THSD4: variants seen among roughly 807,000 people sequenced by gnomAD.
THSD4 encodes thrombospondin type 1 domain containing 4.
Under a neutral mutation model 119.0 loss-of-function variants are expected in THSD4, and 69 were observed. The observed-to-expected ratio is 0.58, with a 90% CI of 0.48 to 0.71. The LOEUF is 0.71. THSD4 is among the 30% of genes least tolerant of loss of function. The pLI, the probability that THSD4 is intolerant of heterozygous loss-of-function variation, is 0.00. For synonymous variants in THSD4, 524 were observed against 540.4 expected, an observed-to-expected ratio of 0.97 and a Z score of 0.42; for missense variants, 1,393 against 1,391.1, an observed-to-expected ratio of 1.00 and a Z score of -0.02.
intron 6 of THSD4, among the ~76,000 whole-genome samples, chr15:71,270,202 A>G (rs2044512397): frequency 6.6e-6 from 1 of 152,204 alleles, no homozygotes; most frequent in Admixed American, 6.5e-5. Context: ...TTCAAACTAT[A>G]CTACAAGGCT....
At chr15:71,463,098 G>A (rs368429652) in intron 7 of THSD4, among the ~76,000 whole-genome samples, 12 of 152,180 alleles carry the variant, frequency 7.9e-5, no homozygotes, top group African/African-American at 2.6e-4. Context: ...TATTCATGTC[G>A]TTGGTTTTTT....
At chr15:71,505,193 CCAT>C (rs10610274) in intron 7 of THSD4, among the ~76,000 whole-genome samples, 19,645 of 152,132 alleles carry the variant, frequency 0.13, 1,517 homozygotes, top group Non-Finnish European at 0.17. Context: ...GCTCACCTCC[CCAT>C]CCTTGCAGGA....
chr15:71,683,856 T>A (rs986109768), intron 8 of THSD4, among the ~76,000 whole-genome samples: 3 of 152,018 alleles, frequency 2.0e-5, no homozygotes, highest in African/African-American at 7.3e-5. Context: ...GTGCCCATAG[T>A]CCCAGCTACT....
rs529374674 is a variant in THSD4 at position 71,463,753 on chromosome 15, G to A, written c.1152+51930G>A. Among the ~76,000 whole-genome samples, 11 of 152,246 alleles carry A rather than the reference G, an allele frequency of 7.2e-5. No individual in the cohort carries two copies. In the South Asian group the frequency reaches 1.2e-3, roughly 17 times the overall value. ...GATTTCTTACAAGTGTTATTATCCT[G>A]ATTAGACTCCAATCTCTTAACTCCT... On this transcript the variant is annotated intron_variant, in intron 7 of 17. Transcript: ENST00000261862.
At chr15:71,229,081 A>G (rs775681523) in intron 4 of THSD4, among the ~76,000 whole-genome samples, 2 of 152,218 alleles carry the variant, frequency 1.3e-5, no homozygotes, top group Non-Finnish European at 2.9e-5. Context: ...TTGGTATTTA[A>G]AAGCTGTACT....
chr15:71,326,208 G>T (rs181206101), intron 6 of THSD4, among the ~76,000 whole-genome samples: 158 of 152,152 alleles, frequency 1.0e-3, no homozygotes, highest in African/African-American at 3.6e-3. Flanking sequence ...TGGTTTCCTC[G>T]TTCACAATGT....
intron 6 of THSD4, among the ~76,000 whole-genome samples, chr15:71,277,343 C>T (rs571770519): frequency 6.6e-6 from 1 of 152,168 alleles, no homozygotes; most frequent in South Asian, 2.1e-4. Flanking sequence ...CTAGGTTGGT[C>T]TCAAACTCTC....
intron 3 of THSD4, among the ~76,000 whole-genome samples, chr15:71,184,720 G>T (rs773795962): frequency 1.6e-4 from 24 of 151,730 alleles, no homozygotes; most frequent in Non-Finnish European, 3.4e-4. Flanking sequence ...CTAGAAAGTG[G>T]CAGCTTCCTC....
At chr15:71,240,640 ACTT>A (rs1221641360) in intron 4 of THSD4, among the ~76,000 whole-genome samples, 1 of 152,146 alleles carries the variant, frequency 6.6e-6, no homozygotes, top group Non-Finnish European at 1.5e-5. Context: ...TTCAGTACTT[ACTT>A]TGAGGCTAAA....
chr15:71,472,307 A>G (rs2047591785), intron 7 of THSD4, among the ~76,000 whole-genome samples: 1 of 152,212 alleles, frequency 6.6e-6, no homozygotes, highest in South Asian at 2.1e-4. Flanking sequence ...TTATAAACTT[A>G]AGAGTCAAAT....
chr15:71,613,750 A>T (rs946566126), intron 7 of THSD4, among the ~76,000 whole-genome samples: 1 of 152,200 alleles, frequency 6.6e-6, no homozygotes, highest in Non-Finnish European at 1.5e-5. Context: ...TTCCATGCAG[A>T]ACTCTGTACT....
At chr15:71,391,997 C>T (rs2046384951) in intron 6 of THSD4, among the ~76,000 whole-genome samples, 1 of 152,176 alleles carries the variant, frequency 6.6e-6, no homozygotes, top group South Asian at 2.1e-4. Context: ...AACCCATCTC[C>T]CTACTCTTCT....
At chr15:71,212,204 T>C (rs1165658309) in intron 3 of THSD4, among the ~76,000 whole-genome samples, 1 of 152,186 alleles carries the variant, frequency 6.6e-6, no homozygotes, top group Non-Finnish European at 1.5e-5. Flanking sequence ...TGTGTTTTTG[T>C]TTGTTTGTTT....
At chr15:71,532,283 A>AGAGAGAGAGAGAGAGAGAGAGAGTGT (rs1379506089) in intron 7 of THSD4, among the ~76,000 whole-genome samples, 49 of 101,632 alleles carry the variant, frequency 4.8e-4, no homozygotes, top group East Asian at 1.9e-3. Context: ...AGAGAGAGAG[A>AGAGAGAGAGAGAGAGAGAGAGAGTGT]GTGTGTGTGT....
intron 14 of THSD4, among the ~76,000 whole-genome samples, chr15:71,754,843 A>G (rs1355451025): frequency 6.6e-6 from 1 of 152,188 alleles, no homozygotes. Flanking sequence ...TTGAGGGATT[A>G]TATACCATTT....
chr15:71,512,675 A>G (rs940664090), intron 7 of THSD4, among the ~76,000 whole-genome samples: 1 of 152,220 alleles, frequency 6.6e-6, no homozygotes, highest in Non-Finnish European at 1.5e-5. Context: ...GCCGCTCAGA[A>G]CATTAAACAA....
At chr15:71,182,893 T>C (rs1166662597) in intron 3 of THSD4, among the ~76,000 whole-genome samples, 1 of 151,826 alleles carries the variant, frequency 6.6e-6, no homozygotes, top group Non-Finnish European at 1.5e-5. Context: ...TGTCCTTTTG[T>C]TCCTAATTGT....
chr15:71,124,416 A>G (rs1469356737), intron 1 of THSD4, among the ~76,000 whole-genome samples: 4 of 152,236 alleles, frequency 2.6e-5, no homozygotes, highest in Admixed American at 2.0e-4. Context: ...CCTGTGGGCC[A>G]GAGTTTGTGG....
chr15:71,533,384 C>CT (rs1429009556), intron 7 of THSD4, among the ~76,000 whole-genome samples: 2 of 152,126 alleles, frequency 1.3e-5, no homozygotes, highest in Admixed American at 1.3e-4. Context: ...CCTTTTGTAA[C>CT]TTTTTTTCAC....
Sources: allele counts gnomAD v4.1 joint callset (sites outside exome capture counted in the v4.1 genomes callset), GRCh38; gene constraint gnomAD v4.1.1; transcripts MANE v1.5; gene names NCBI Gene and HGNC (gene_info 2026-07-23, HGNC 2026-07-21).